The following PARD3 variants were observed in gnomAD, a reference collection of about 807,000 sequenced individuals.
PARD3 encodes partitioning defective 3 homolog.
In PARD3, 75 loss-of-function variants were observed where a neutral mutation model predicts 155.4. The observed-to-expected ratio is 0.48, with a 90% confidence interval of 0.40 to 0.58. The LOEUF is 0.58. Among genes scored for constraint, PARD3 ranks in the 20% least tolerant of loss-of-function variants. The pLI is 0.00. For synonymous variants in PARD3, 576 were observed against 610.5 expected (o/e 0.94, Z 0.83); for missense variants, 1,642 against 1,721.7 (o/e 0.95, Z 0.82).
At chr10:34,417,964 T>C (rs913145866) in intron 5 of PARD3, among the ~76,000 whole-genome samples, 3 of 152,154 alleles carry the variant, frequency 2.0e-5, no homozygotes, top group Non-Finnish European at 2.9e-5. Context: ...AGTAAAAGCA[T>C]ATTCATAAAA....
chr10:34,517,057 C>G lies in PARD3; in HGVS notation c.325G>C (p.Gly109Arg). Residue 109 changes from glycine (G) to arginine (R), a missense_variant, in exon 3 of 25, where the codon GGC (glycine) becomes CGC (arginine). Coordinates refer to ENST00000374788, the MANE Select transcript of PARD3 (RefSeq NM_001184785.2). ...QSPEIFGSEL[G>R]TNNVSAFQPY... is the part of the protein sequence containing the mutation. ...TGAAAGGCTGAGACATTGTTGGTGC[C>G]AAGCTCACTACCAAATATCTCTGGG... is the stretch of plus-strand genomic sequence containing the variant. 6.2e-7 allele frequency: 1 copy of G among 1,614,184 alleles called. No individual in the cohort carries two copies.
intron 12 of PARD3, 60 bp downstream of exon 12, chr10:34,372,438 G>T: frequency 8.1e-7 from 1 of 1,227,224 alleles, no homozygotes; most frequent in Non-Finnish European, 1.2e-6. Context: ...AAATTAGTAA[G>T]AAGTTAGTTC....
At chr10:34,783,571 T>A (rs896646684) in intron 1 of PARD3, among the ~76,000 whole-genome samples, 18 of 125,930 alleles carry the variant, frequency 1.4e-4, no homozygotes, top group Admixed American at 1.2e-3. Flanking sequence ...GCCACTGTGC[T>A]CCAGCCTGGG....
intron 1 of PARD3, among the ~76,000 whole-genome samples, chr10:34,812,522 A>G (rs117649398): frequency 2.6e-5 from 4 of 152,350 alleles, no homozygotes; most frequent in Non-Finnish European, 4.4e-5. Flanking sequence ...TGGGAAAAGT[A>G]GTAAGAAAGA....
At chr10:34,367,752 TTAAG>T (rs747846094) in intron 12 of PARD3, among the ~76,000 whole-genome samples, 4 of 152,158 alleles carry the variant, frequency 2.6e-5, no homozygotes, top group Non-Finnish European at 5.9e-5. Flanking sequence ...ACTTGATCTA[TTAAG>T]TGTTAGCAAA....
Position 34,111,276 on chromosome 10 carries a change from C to T in PARD3, c.3955G>A (p.Ala1319Thr), listed in dbSNP as rs142489061. 2.2e-5 allele frequency: 35 copies of T among 1,613,844 alleles called. No individual in the cohort carries two copies. Among genetic ancestry groups the T allele is most frequent in the East Asian group, 4.5e-5 (2 of 44,862 alleles). Residue 1319 changes from alanine to threonine, a missense_variant, in exon 25 of 25, where the codon GCC becomes ACC. This residue lies in a region of PARD3 where 1,529 missense variants were observed against 1,587.3 expected (regional missense o/e 0.96). Coordinates refer to ENST00000374788, the MANE Select transcript of PARD3 (RefSeq NM_001184785.2). The part of the protein sequence containing the change: ...SYKKVQDPSY[A>T]PPKGPFRQDV... The stretch of plus-strand genomic sequence containing the variant: ...TGCCGGAAGGGCCCCTTGGGAGGGG[C>T]GTAACTGGGGTCCTGGACTTTCTTA...
At chr10:34,698,484 T>C (rs559884352) in intron 1 of PARD3, among the ~76,000 whole-genome samples, 2 of 152,250 alleles carry the variant, frequency 1.3e-5, no homozygotes, top group African/African-American at 4.8e-5. Context: ...CATCCTCTTC[T>C]CCAAGAGCTT....
At chr10:34,546,757 T>C (rs2084106126) in intron 2 of PARD3, among the ~76,000 whole-genome samples, 1 of 152,202 alleles carries the variant, frequency 6.6e-6, no homozygotes, top group Non-Finnish European at 1.5e-5. Context: ...TTAATTTTCA[T>C]TGGAATTAAC....
chr10:34,674,906 G>A (rs79269508), intron 2 of PARD3, among the ~76,000 whole-genome samples: 3,106 of 152,212 alleles, frequency 0.02, 104 homozygotes, highest in African/African-American at 0.071. Context: ...ATTTAAGTAG[G>A]ACACAGAAAA....
chr10:34,461,588 AGAGT>A (rs2077656807), intron 4 of PARD3, among the ~76,000 whole-genome samples: 1 of 152,222 alleles, frequency 6.6e-6, no homozygotes, highest in Non-Finnish European at 1.5e-5. Context: ...CCTGGGCGAC[AGAGT>A]GAGACTCCAT....
intron 22 of PARD3, among the ~76,000 whole-genome samples, chr10:34,212,251 TC>T (rs1450139866): frequency 2.0e-5 from 3 of 152,142 alleles, no homozygotes; most frequent in Non-Finnish European, 4.4e-5. Flanking sequence ...CCACAACTTC[TC>T]CAGTAGAGAT....
chr10:34,561,678 C>T (rs1310359781), intron 2 of PARD3, among the ~76,000 whole-genome samples: 2 of 151,922 alleles, frequency 1.3e-5, no homozygotes, highest in African/African-American at 2.4e-5. Flanking sequence ...GCCACCATGC[C>T]TGGCTGATCT....
chr10:34,368,439 G>C (rs1018996582), intron 12 of PARD3, among the ~76,000 whole-genome samples: 3 of 152,066 alleles, frequency 2.0e-5, no homozygotes, highest in Middle Eastern at 3.2e-3. Flanking sequence ...TTGGGAGGCC[G>C]AGGCAGGTGG....
rs145845529 is a variant in PARD3 at position 34,359,248 on chromosome 10, G to T, written c.1966C>A (p.Gln656Lys). The T allele has an allele frequency of 6.2e-7, 1 of 1,613,484 alleles. No homozygotes were observed. Among genetic ancestry groups the T allele is most frequent in the Non-Finnish European group, 8.5e-7 (1 of 1,179,524 alleles). ...NGESLLGKTN[Q>K]DAMETLRRSM... ...CTTCTTAGGGTTTCCATGGCATCTTGGTTTGTCTTGCCCAACAGGGATTCT... is the reference window on the plus strand; with the variant it reads ...CTTCTTAGGGTTTCCATGGCATCTTTGTTTGTCTTGCCCAACAGGGATTCT... Residue 656 changes from glutamine to lysine, a missense_variant, in exon 14 of 25, where the codon CAA (glutamine) becomes AAA (lysine). Physicochemically the swap from Gln to Lys is moderately conservative, Grantham distance 53. Around this residue, in one of 3 missense-constraint regions of PARD3, gnomAD observed 1,529 missense variants for 1,587.3 expected, o/e 0.96. Coordinates refer to ENST00000374788, the MANE Select transcript of PARD3 (RefSeq NM_001184785.2).
intron 22 of PARD3, among the ~76,000 whole-genome samples, chr10:34,241,029 C>T (rs1051469763): frequency 3.3e-5 from 5 of 152,154 alleles, no homozygotes; most frequent in Admixed American, 1.3e-4. Context: ...GGTCTCTGCT[C>T]TCCTAGAGTT....
intron 1 of PARD3, 33 bp downstream of exon 1, chr10:34,814,843 G>GTGCCCCCCCCCC: frequency 1.5e-6 from 1 of 684,282 alleles, no homozygotes; most frequent in Non-Finnish European, 2.2e-6. Flanking sequence ...CCCCGCCGCC[G>GTGCCCCCCCCCC]CCCCCTCCCC....
chr10:34,773,583 C>T (rs983291418), intron 1 of PARD3, among the ~76,000 whole-genome samples: 16 of 152,202 alleles, frequency 1.1e-4, no homozygotes, highest in African/African-American at 3.4e-4. Context: ...TCACCAACAA[C>T]GTCCAAATGC....
intron 22 of PARD3, among the ~76,000 whole-genome samples, chr10:34,221,160 TTA>T (rs1340226011): frequency 6.6e-6 from 1 of 152,228 alleles, no homozygotes; most frequent in Admixed American, 6.5e-5. Flanking sequence ...TCTCACTATT[TTA>T]TCTTTGATAA....
At chr10:34,133,290 C>T (rs1947711862) in intron 22 of PARD3, among the ~76,000 whole-genome samples, 1 of 152,146 alleles carries the variant, frequency 6.6e-6, no homozygotes, top group African/African-American at 2.4e-5. Flanking sequence ...CCCCGGCTCC[C>T]GTACCTGTAC....
Sources: gnomAD v4.1 joint callset for allele counts (sites outside exome capture counted in the v4.1 genomes callset) on GRCh38, gnomAD v4.1.1 for gene constraint, gnomAD v4.1.1 regional missense constraint, MANE v1.5 for transcripts, NCBI Gene and HGNC (gene_info 2026-07-23, HGNC 2026-07-21) for gene names.